Variants in CST8 observed in about 807,000 individuals in gnomAD.
CST8 encodes the protein cystatin 8.
A neutral mutation model predicts 11.8 loss-of-function variants in CST8; 20 were observed. The observed-to-expected ratio is 1.70, with a 90% CI of 1.20 to 2.47. CST8 has a LOEUF of 2.47. Among genes scored for constraint, CST8 ranks in the 30% most tolerant of loss-of-function variants. The pLI, the probability that CST8 is intolerant of heterozygous loss-of-function variation, is 0.00. For synonymous variants in CST8, 77 were observed against 63.1 expected, an observed-to-expected ratio of 1.22 and a Z score of -1.05; for missense variants, 196 against 167.2, an observed-to-expected ratio of 1.17 and a Z score of -0.95.
rs376058851 is a variant in CST8, at chr20:23,491,629, C to T, written c.-39C>T. On this transcript the variant is annotated 5_prime_UTR_variant, in exon 2 of 4. It adds an upstream start codon to the 5' untranslated region. Transcript: ENST00000246012. ...GCCCACAGCTCCAGCCCTGAGACGA[C>T]GAGGAGGAGAGTCGACTTTGCCTCT... is the stretch of plus-strand genomic sequence containing the variant. 9.3e-5 allele frequency: 142 copies of T among 1,519,594 alleles called. No individual in the cohort carries two copies. The highest frequency in any genetic ancestry group is 4.7e-4 in the East Asian group (21 of 44,394). 94.1% of individuals were successfully genotyped at this position (1,519,594 alleles called of 1,614,324 possible).
At chr20:23,500,585 G>A (rs751729389), downstream of CST8, among the ~76,000 whole-genome samples, 1 of 152,128 alleles carries the variant, frequency 6.6e-6, no homozygotes, top group African/African-American at 2.4e-5. Context: ...CTTCTCCTAC[G>A]TGGTTGGTAC....
chr20:23,492,177 C>T (rs1987907987), intron 2 of CST8, among the ~76,000 whole-genome samples: 1 of 152,146 alleles, frequency 6.6e-6, no homozygotes. Context: ...GGTTGGGAGA[C>T]AGATAGAATG....
downstream of CST8, among the ~76,000 whole-genome samples, chr20:23,497,827 C>T (rs1428231660): frequency 6.6e-6 from 1 of 152,176 alleles, no homozygotes; most frequent in African/African-American, 2.4e-5. Context: ...TATCCCTAAC[C>T]TTGTCATGTG....
chr20:23,494,388 A>C (rs77807312), intron 3 of CST8, among the ~76,000 whole-genome samples: 2,168 of 152,310 alleles, frequency 0.014, 34 homozygotes, highest in African/African-American at 0.048. Flanking sequence ...ATGTTCAAGC[A>C]GACATTTGTC....
At chr20:23,499,150 C>A (rs1988127289), downstream of CST8, among the ~76,000 whole-genome samples, 1 of 152,158 alleles carries the variant, frequency 6.6e-6, no homozygotes, top group Non-Finnish European at 1.5e-5. Flanking sequence ...ATGATGCCCA[C>A]CTGTGCTGTG....
At chr20:23,500,355 G>A (rs1057414721), downstream of CST8, among the ~76,000 whole-genome samples, 3 of 152,128 alleles carry the variant, frequency 2.0e-5, no homozygotes, top group Admixed American at 6.5e-5. Flanking sequence ...CACAGACTTG[G>A]GAAGGAGCCC....
At chr20:23,499,962 G>A (rs1568659011), downstream of CST8, among the ~76,000 whole-genome samples, 1 of 152,126 alleles carries the variant, frequency 6.6e-6, no homozygotes, top group South Asian at 2.1e-4. Context: ...GCAGGAGAGA[G>A]AGAGACAGTG....
At chr20:23,501,409 G>A in the CST8 span, among the ~76,000 whole-genome samples, 1 of 152,356 alleles carries the variant, frequency 6.6e-6, no homozygotes, top group East Asian at 1.9e-4. Context: ...TTTGTCCGAT[G>A]GATTCAGGGC....
Position 23,495,887 on chromosome 20 carries a change from G to A in CST8, c.402G>A (p.Val134=), listed in dbSNP as rs1409558403. The A allele has an allele frequency of 1.2e-5, 19 of 1,611,122 alleles. No individual in the cohort carries two copies. The highest frequency in any genetic ancestry group is 1.5e-5 in the Non-Finnish European group (18 of 1,179,172). Residue 134 remains valine (V), a synonymous_variant, in exon 4 of 4, where the codon GTG becomes GTA. Transcript: ENST00000246012. ...GALPWNGEFT[V]MEKKCEDA Reference sequence around the variant, plus strand: ...TTCCCTGGAATGGTGAATTCACTGTGATGGAGAAAAAGTGTGAAGATGCTT... The same window carrying A: ...TTCCCTGGAATGGTGAATTCACTGTAATGGAGAAAAAGTGTGAAGATGCTT...
the CST8 span, among the ~76,000 whole-genome samples, chr20:23,505,979 G>A: frequency 1.4e-5 from 2 of 139,220 alleles, no homozygotes; most frequent in Non-Finnish European, 3.1e-5. Flanking sequence ...ATACATTAAA[G>A]TATTTAAATC....
At chr20:23,501,158 C>G in the CST8 span, among the ~76,000 whole-genome samples, 1 of 152,178 alleles carries the variant, frequency 6.6e-6, no homozygotes, top group Non-Finnish European at 1.5e-5. Context: ...ATTTTCTGCT[C>G]TTTAGGAACT....
Position 23,495,936 on chromosome 20 carries a change from C to T in CST8, c.*22C>T. On this transcript the variant is annotated 3_prime_UTR_variant, in exon 4 of 4. Coordinates refer to ENST00000246012, the MANE Select transcript of CST8 (RefSeq NM_005492.4). ...TTAATGGTGTTTTGAGGCATCCCTC[C>T]AACCTCTGTGACTACTTTATCCATG... 6.4e-7 allele frequency: 1 copy of T among 1,567,982 alleles called. No individual in the cohort carries two copies. Among genetic ancestry groups the T allele is most frequent in the Non-Finnish European group, 8.7e-7 (1 of 1,147,270 alleles).
At chr20:23,500,362 G>A (rs139442582), downstream of CST8, among the ~76,000 whole-genome samples, 536 of 152,262 alleles carry the variant, frequency 3.5e-3, 2 homozygotes, top group African/African-American at 0.012. Context: ...TTGGGAAGGA[G>A]CCCGGTGTGC....
chr20:23,492,692 A>G (rs1168637977), intron 2 of CST8, among the ~76,000 whole-genome samples: 1 of 152,148 alleles, frequency 6.6e-6, no homozygotes, highest in Non-Finnish European at 1.5e-5. Flanking sequence ...AAATGGAATG[A>G]GAAGGCCTTG....
chr20:23,503,828 G>C, the CST8 span, among the ~76,000 whole-genome samples: 1 of 152,218 alleles, frequency 6.6e-6, no homozygotes, highest in Non-Finnish European at 1.5e-5. Context: ...TGAGGCCACA[G>C]AGACGTGCTG....
In CST8 at chr20:23,495,927, G is replaced by A. The variant is rs780017021; in HGVS notation, c.*13G>A. On this transcript the variant is annotated 3_prime_UTR_variant, in exon 4 of 4. Coordinates refer to ENST00000246012, the MANE Select transcript of CST8 (RefSeq NM_005492.4). ...TGAAGATGCTTAATGGTGTTTTGAG[G>A]CATCCCTCCAACCTCTGTGACTACT... 1 of 1,595,214 alleles carries A rather than the reference G, an allele frequency of 6.3e-7. No homozygotes were observed. The highest frequency in any genetic ancestry group is 8.6e-7 in the Non-Finnish European group (1 of 1,168,046).
At chr20:23,500,296 G>A (rs143938803), downstream of CST8, among the ~76,000 whole-genome samples, 5 of 152,294 alleles carry the variant, frequency 3.3e-5, no homozygotes, top group East Asian at 9.7e-4. Flanking sequence ...GGGACCAGGG[G>A]TGGGCTGCCT....
chr20:23,496,380 C>T (rs955927014), downstream of CST8, among the ~76,000 whole-genome samples: 1 of 151,898 alleles, frequency 6.6e-6, no homozygotes, highest in African/African-American at 2.4e-5. Context: ...CATGATGCCC[C>T]CTGAGCCTTA....
At chr20:23,504,053 G>A in the CST8 span, among the ~76,000 whole-genome samples, 18,751 of 152,144 alleles carry the variant, frequency 0.12, 3,085 homozygotes, top group African/African-American at 0.38. Context: ...TGCTGTAAAG[G>A]TGAGGAAAAA....
Sources: gnomAD v4.1 joint callset for allele counts (sites outside exome capture counted in the v4.1 genomes callset) on GRCh38, gnomAD v4.1.1 for gene constraint, MANE v1.5 for transcripts, NCBI Gene and HGNC (gene_info 2026-07-23, HGNC 2026-07-21) for gene names.